ZNF862: variants seen among roughly 807,000 people sequenced by gnomAD.
ZNF862 encodes the protein zinc finger protein 862.
In ZNF862, 64 loss-of-function variants were observed where a neutral mutation model predicts 91.1. That is an observed-to-expected ratio of 0.70 (90% CI 0.57 to 0.87). The LOEUF (loss-of-function observed/expected upper bound fraction) is 0.87. Among genes scored for constraint, ZNF862 ranks in the 40% least tolerant of loss-of-function variants. The probability of loss-of-function intolerance (pLI) is 0.00; values close to 1 mark genes in which losing one functional copy is unlikely to be tolerated. For missense variants in ZNF862, 1,459 were observed against 1,528.0 expected (o/e 0.95, Z 0.75); for synonymous variants, 631 against 618.1 (o/e 1.02, Z -0.31).
intron 5 of ZNF862, chr7:149,856,212 A>C (rs1802260491): frequency 6.6e-6 from 1 of 152,218 alleles, no homozygotes; most frequent in South Asian, 2.1e-4. Flanking sequence ...AGCCGGAATC[A>C]CACTTTCATA....
rs1354090566 is a variant in ZNF862 at position 149,847,910 on chromosome 7, C to T, written c.417C>T (p.Ile139=). 6.2e-7 allele frequency: 1 copy of T among 1,606,680 alleles called. No homozygotes were observed. The highest frequency in any genetic ancestry group is 1.7e-5 in the Admixed American group (1 of 58,692). Residue 139 remains isoleucine (I), a synonymous_variant, in exon 4 of 8, where the codon ATC becomes ATT. Transcript: ENST00000223210. ...GGAAACTTCTGAAGCCCCGGTCCAT[C>T]CAGAAGTCGTGGTTTGTGCAGTTTC... ...RNRKLLKPRS[I]QKSWFVQFPW... is the part of the protein sequence containing the mutation.
In ZNF862 at chr7:149,866,288, T is replaced by G. The variant is rs1282904061; in HGVS notation, c.*2004T>G. On this transcript the variant is annotated 3_prime_UTR_variant, in exon 8 of 8. Coordinates refer to ENST00000223210, the MANE Select transcript of ZNF862 (RefSeq NM_001099220.3). The stretch of plus-strand genomic sequence containing the variant: ...TGCGTGGCTAAGGCACACACAGGCC[T>G]CCTTCTCCCCATCACCGTCTCCATG... 1.3e-5 allele frequency: 2 copies of G among 152,220 alleles called. No individual in the cohort carries two copies. The highest frequency in any genetic ancestry group is 2.9e-5 in the Non-Finnish European group (2 of 68,052). 9.4% of individuals were successfully genotyped at this position (152,220 alleles called of 1,614,324 possible).
chr7:149,847,974 T>C lies in ZNF862; in HGVS notation c.481T>C (p.Cys161Arg). Residue 161 changes from cysteine to arginine, a missense_variant, in exon 4 of 8, where the codon TGC (cysteine) becomes CGC (arginine). Transcript: ENST00000223210. ...IMNEEQTALF[C>R]SACREYPSIR... ...GAATGAGGAGCAGACGGCTCTGTTCTGCTCTGCTTGCCGAGAATACCCCTC... is the reference window on the plus strand; with the variant it reads ...GAATGAGGAGCAGACGGCTCTGTTCCGCTCTGCTTGCCGAGAATACCCCTC... The C allele has an allele frequency of 1.2e-6, 2 of 1,611,548 alleles. No homozygotes were observed. The highest frequency in any genetic ancestry group is 1.7e-6 in the Non-Finnish European group (2 of 1,178,666).
rs765577039 is a variant in ZNF862 at position 149,859,506 on chromosome 7, G to A, written c.1202G>A (p.Trp401Ter). ...ATCAAGGACCCAAATGGGCCAAAGT[G>A]GGGGAAAGGTCGTCCTCCAGGTGAG... ...PWIKDPNGPK[W>*]GKGRPPGNKK... Residue 401 changes from tryptophan (W) to a stop codon, truncating the protein, a stop_gained, in exon 6 of 8, where the codon TGG becomes TAG. Transcript: ENST00000223210. LOFTEE classifies it high-confidence loss of function. 3.2e-6 allele frequency: 5 copies of A among 1,580,498 alleles called. No homozygotes were observed. The highest frequency in any genetic ancestry group is 2.7e-5 in the African/African-American group (2 of 74,242).
At position 149,865,430 on chromosome 7, in the gene ZNF862, C is replaced by T. The variant is rs1213847204; in HGVS notation, c.*1146C>T. On this transcript the variant is annotated 3_prime_UTR_variant, in exon 8 of 8. Coordinates refer to ENST00000223210, the MANE Select transcript of ZNF862 (RefSeq NM_001099220.3). ...GGCGCTCAGTGACAAGGGCTTTGAA[C>T]AACCTCCTCCAGGGACTTTGGGCCT... 7 of 152,240 alleles carry T rather than the reference C, an allele frequency of 4.6e-5. No individual in the cohort carries two copies. Among genetic ancestry groups the T allele is most frequent in the African/African-American group, 1.7e-4 (7 of 41,416 alleles). The allele number at this position is 152,240 out of a possible 1,614,324, so 9.4% of individuals were successfully genotyped here.
chr7:149,849,703 A>AT (rs1159929808), intron 4 of ZNF862, among the ~76,000 whole-genome samples: 3 of 152,184 alleles, frequency 2.0e-5, no homozygotes, highest in Non-Finnish European at 2.9e-5. Flanking sequence ...ACCTTTTATC[A>AT]TCTGAATTCA....
intron 7 of ZNF862, among the ~76,000 whole-genome samples, chr7:149,863,263 A>G (rs1328731169): frequency 6.6e-6 from 1 of 152,076 alleles, no homozygotes; most frequent in African/African-American, 2.4e-5. Flanking sequence ...ACCACTCGCG[A>G]CCACTTGACA....
Position 149,859,497 on chromosome 7 carries a change from G to A in ZNF862, c.1193G>A (p.Gly398Glu). ...GCACCCTGGATCAAGGACCCAAATG[G>A]GCCAAAGTGGGGGAAAGGTCGTCCT... is the stretch of plus-strand genomic sequence containing the variant. ...RAAPWIKDPN[G>E]PKWGKGRPPG... Residue 398 changes from glycine (G) to glutamate (E), a missense_variant, in exon 6 of 8, where the codon GGG (glycine) becomes GAG (glutamate). Transcript: ENST00000223210. The A allele has an allele frequency of 1.3e-6, 2 of 1,583,130 alleles. No individual in the cohort carries two copies. The highest frequency in any genetic ancestry group is 2.3e-5 in the South Asian group (2 of 86,228).
chr7:149,861,509 T>A lies in ZNF862; in HGVS notation c.2349T>A (p.Asp783Glu). Residue 783 changes from aspartate to glutamate, a missense_variant, in exon 7 of 8, where the codon GAT (aspartate) becomes GAA (glutamate). Physicochemically the swap from Asp to Glu is conservative, Grantham distance 45. Coordinates refer to ENST00000223210, the MANE Select transcript of ZNF862 (RefSeq NM_001099220.3). The surrounding 1 kb of genome is among the most constrained non-coding windows in gnomAD (Gnocchi z 6.7). ...PLEQEIIRLKDLNAVRWVASR... is the reference protein window; with the variant it reads ...PLEQEIIRLKELNAVRWVASR... Reference sequence around the variant, plus strand: ...AGCAGGAGATCATCCGCCTGAAGGATCTGAATGCGGTCCGCTGGGTGGCCA... The same window carrying A: ...AGCAGGAGATCATCCGCCTGAAGGAACTGAATGCGGTCCGCTGGGTGGCCA... 6.2e-7 allele frequency: 1 copy of A among 1,610,666 alleles called. No individual in the cohort carries two copies. Among genetic ancestry groups the A allele is most frequent in the Non-Finnish European group, 8.5e-7 (1 of 1,178,864 alleles).
At position 149,848,091 on chromosome 7, in the gene ZNF862, A is replaced by G. The variant is rs762116689; in HGVS notation, c.598A>G (p.Met200Val). 1.7e-5 allele frequency: 27 copies of G among 1,613,934 alleles called. No homozygotes were observed. The South Asian group carries it at 2.2e-4, about 13-fold the overall frequency. ...ATACCACGCGAAGAGCAAGGCCCACATGTTCTGTGTCAATGCCTTGGCAGC... is the reference window on the plus strand; with the variant it reads ...ATACCACGCGAAGAGCAAGGCCCACGTGTTCTGTGTCAATGCCTTGGCAGC... ...LKYHAKSKAH[M>V]FCVNALAARD... The change falls in exon 4 of 8, where the codon ATG (methionine) becomes GTG (valine). Residue 200 changes from methionine (M) to valine (V), a missense_variant. Met to Val is a conservative substitution (Grantham distance 21). Coordinates refer to ENST00000223210, the MANE Select transcript of ZNF862 (RefSeq NM_001099220.3).
Position 149,860,239 on chromosome 7 carries a change from C to T in ZNF862, c.1223-144C>T, listed in dbSNP as rs1003325964. 84 of 735,858 alleles carry T rather than the reference C, an allele frequency of 1.1e-4. 1 individual carries two copies. Among genetic ancestry groups the T allele is most frequent in the Admixed American group, 3.0e-4 (10 of 33,280 alleles). The allele number at this position is 735,858 out of a possible 1,614,324, so 45.6% of individuals were successfully genotyped here. A position where few individuals can be genotyped will look rare whatever the true frequency, so the allele number is the denominator to read the frequency against. On this transcript the variant is annotated intron_variant, in intron 6 of 7. Transcript: ENST00000223210. ...GAGAATGGGTGAGGGTTTAAGTGGA[C>T]GCCACTTTCTCTAGAAAGAAGGATT...
At chr7:149,863,507 G>A (rs756509976) in intron 7 of ZNF862, among the ~76,000 whole-genome samples, 10 of 152,180 alleles carry the variant, frequency 6.6e-5, no homozygotes, top group Non-Finnish European at 1.2e-4. Flanking sequence ...GTGGGGATAA[G>A]AAAAGAGACC....
rs1802491631 is a variant in ZNF862, at chr7:149,861,406, A to G, written c.2246A>G (p.His749Arg). 1 of 1,613,098 alleles carries G rather than the reference A, an allele frequency of 6.2e-7. No individual in the cohort carries two copies. The highest frequency in any genetic ancestry group is 1.3e-5 in the African/African-American group (1 of 74,954). The stretch of plus-strand genomic sequence containing the variant: ...GATCTGGTGAAGAAGTGTGACCGGC[A>G]CATCCGCACCGTCTTCAAGTTTTAT... ...SIDLVKKCDR[H>R]IRTVFKFYQS... The change falls in exon 7 of 8, where the codon CAC (histidine) becomes CGC (arginine). Residue 749 changes from histidine to arginine, a missense_variant. Coordinates refer to ENST00000223210, the MANE Select transcript of ZNF862 (RefSeq NM_001099220.3). The surrounding 1 kb of genome is among the most constrained non-coding windows in gnomAD (Gnocchi z 6.7).
At position 149,864,131 on chromosome 7, in the gene ZNF862, G is replaced by C. The variant is rs768358070; in HGVS notation, c.3357G>C (p.Glu1119Asp). Residue 1119 changes from glutamate (E) to aspartate (D), a missense_variant, in exon 8 of 8, where the codon GAG becomes GAC. Transcript: ENST00000223210. ...SPASARLRKE[E>D]MGALYVEEPR... ...CAGGCGCCAGGCTCAGGAAGGAGGA[G>C]ATGGGAGCCCTCTATGTGGAGGAGC... 9.4e-6 allele frequency: 15 copies of C among 1,588,436 alleles called. No homozygotes were observed. Among genetic ancestry groups the C allele is most frequent in the Non-Finnish European group, 1.2e-5 (14 of 1,167,692 alleles).
chr7:149,852,189 A>C (rs990668085), intron 5 of ZNF862: 2 of 151,760 alleles, frequency 1.3e-5, no homozygotes, highest in African/African-American at 4.8e-5. Context: ...AGATTCTTTA[A>C]TTGTTATTAT....
chr7:149,847,592 GGTGTGTGTGTGTGTGTGTGTGT>G (rs10569456), intron 3 of ZNF862, 121 bp from the exon 4 acceptor site: 21 of 532,986 alleles, frequency 3.9e-5, no homozygotes, highest in African/African-American at 9.7e-5. Flanking sequence ...AGAAAATTCA[GGTGTGTGTGTGTGTGTGTGTGT>G]GTGTGTGTGT....
rs1017206850 is a variant in ZNF862 at position 149,866,249 on chromosome 7, G to C, written c.*1965G>C. The C allele has an allele frequency of 7.9e-5, 12 of 152,200 alleles. No homozygotes were observed. Among genetic ancestry groups the C allele is most frequent in the Admixed American group, 5.2e-4 (8 of 15,282 alleles). The allele number at this position is 152,200 out of a possible 1,614,324, so 9.4% of individuals were successfully genotyped here. On this transcript the variant is annotated 3_prime_UTR_variant, in exon 8 of 8. Transcript: ENST00000223210. ...CAGGCCTGTGGTGCGGGAGCTCTGG[G>C]AGGTGTTACTATCTGCGTGGCTAAG... is the stretch of plus-strand genomic sequence containing the variant.
At position 149,866,688 on chromosome 7, in the gene ZNF862, A is replaced by T. The variant is rs900415556; in HGVS notation, c.*2404A>T. 5 of 152,140 alleles carry T rather than the reference A, an allele frequency of 3.3e-5. No homozygotes were observed. Among genetic ancestry groups the T allele is most frequent in the Admixed American group, 2.0e-4 (3 of 15,278 alleles). 9.4% of individuals were successfully genotyped at this position (152,140 alleles called of 1,614,324 possible). ...GGGGCCACTGAGAATGCTGTTTGTC[A>T]TAAAATTTGCACTACCCGATTTCTC... is the stretch of plus-strand genomic sequence containing the variant. On this transcript the variant is annotated 3_prime_UTR_variant, in exon 8 of 8. Transcript: ENST00000223210.
rs115591547 is a variant in ZNF862, at chr7:149,849,103, T to C, written c.939+671T>C. 3.4e-3 allele frequency among the ~76,000 whole-genome samples: 513 copies of C among 152,340 alleles called. 5 individuals carry two copies. The highest frequency in any genetic ancestry group is 0.012 in the African/African-American group (480 of 41,580). On this transcript the variant is annotated intron_variant, in intron 4 of 7. Transcript: ENST00000223210. ...GGTATGATCTACCACTCCTGGCTAG[T>C]ATTTTTTAAATTTTAAGTTTGGAGT...
Sources: allele counts gnomAD v4.1 joint callset (sites outside exome capture counted in the v4.1 genomes callset), GRCh38; gene constraint gnomAD v4.1.1; non-coding constraint Gnocchi (gnomAD v3.1); transcripts MANE v1.5; gene names NCBI Gene and HGNC (gene_info 2026-07-23, HGNC 2026-07-21).